CCDC134: variants seen among roughly 807,000 people sequenced by gnomAD.
CCDC134 encodes coiled-coil domain-containing protein 134.
A neutral mutation model predicts 25.6 loss-of-function variants in CCDC134; 27 were observed. That is an observed-to-expected ratio of 1.05 (90% CI 0.78 to 1.45). CCDC134 has a LOEUF of 1.45. CCDC134 is among the 40% of genes most tolerant of loss of function. CCDC134 has a pLI of 0.00. For missense variants in CCDC134, 261 were observed against 286.7 expected (o/e 0.91, Z 0.65); for synonymous variants, 110 against 115.0 (o/e 0.96, Z 0.28).
At chr22:41,820,000 A>AAT (rs2076642772) in intron 6 of CCDC134, among the ~76,000 whole-genome samples, 15 of 67,662 alleles carry the variant, frequency 2.2e-4, no homozygotes, top group Admixed American at 1.2e-3. Context: ...TATATATATA[A>AAT]TTTTTTTTTT....
intron 6 of CCDC134, among the ~76,000 whole-genome samples, chr22:41,822,602 G>A (rs1050049549): frequency 6.6e-6 from 1 of 152,182 alleles, no homozygotes; most frequent in African/African-American, 2.4e-5. Flanking sequence ...GGATGGGTGT[G>A]TTTCTCTTCT....
At chr22:41,816,251 G>T (rs13056385) in intron 6 of CCDC134, among the ~76,000 whole-genome samples, 35 of 152,170 alleles carry the variant, frequency 2.3e-4, no homozygotes, top group Non-Finnish European at 4.4e-4. Context: ...TGAGCCTGAG[G>T]GCAGTGTCAC....
intron 1 of CCDC134, among the ~76,000 whole-genome samples, chr22:41,801,309 G>C (rs984492214): frequency 3.3e-5 from 5 of 151,996 alleles, no homozygotes; most frequent in African/African-American, 1.2e-4. Context: ...CGTCTGCTTG[G>C]GGGTAGGGGG....
chr22:41,808,037 G>A (rs768127739), intron 1 of CCDC134, among the ~76,000 whole-genome samples: 11 of 151,958 alleles, frequency 7.2e-5, no homozygotes, highest in Non-Finnish European at 1.3e-4. Flanking sequence ...GCGCATGCGT[G>A]TAATCCCAGC....
Position 41,810,270 on chromosome 22 carries a change from C to CA in CCDC134, c.290dup (p.Asp98GlyfsTer34), listed in dbSNP as rs1260977862. 6.2e-7 allele frequency: 1 copy of CA among 1,613,858 alleles called. No individual in the cohort carries two copies. Among genetic ancestry groups the CA allele is most frequent in the Non-Finnish European group, 8.5e-7 (1 of 1,179,966 alleles). ...TGTGCTCCCAGATGGGCCCTTCCCC[C>CA]AGGACGAGAAGCTGAAGGATGGTAT... On this transcript the variant is annotated frameshift_variant, in exon 4 of 7. Coordinates refer to ENST00000255784, the MANE Select transcript of CCDC134 (RefSeq NM_024821.5). LOFTEE classifies it high-confidence loss of function.
In CCDC134 at chr22:41,831,348, G is replaced by C. The variant is rs918531482; in HGVS notation, c.*5525G>C. On this transcript the variant is annotated 3_prime_UTR_variant, in exon 7 of 7. Transcript: ENST00000255784. Reference sequence around the variant, plus strand: ...ATTACAGGCATGCGCCACCACACCCGGCTAATTTTTGTATTTTTAGTAGAG... The same window carrying C: ...ATTACAGGCATGCGCCACCACACCCCGCTAATTTTTGTATTTTTAGTAGAG... 1.3e-5 allele frequency: 2 copies of C among 151,744 alleles called. No homozygotes were observed. The highest frequency in any genetic ancestry group is 4.8e-5 in the African/African-American group (2 of 41,250). 9.4% of individuals were successfully genotyped at this position (151,744 alleles called of 1,614,324 possible). A position where few individuals can be genotyped will look rare whatever the true frequency, so the allele number is the denominator to read the frequency against.
intron 6 of CCDC134, among the ~76,000 whole-genome samples, chr22:41,823,950 C>A (rs1007268074): frequency 6.6e-6 from 1 of 152,212 alleles, no homozygotes; most frequent in Non-Finnish European, 1.5e-5. Context: ...AACTAAACCA[C>A]TTTATTCGAG....
At chr22:41,804,834 C>T (rs947137078) in intron 1 of CCDC134, among the ~76,000 whole-genome samples, 4 of 152,182 alleles carry the variant, frequency 2.6e-5, no homozygotes, top group African/African-American at 9.6e-5. Flanking sequence ...CATTGGGAGC[C>T]CAAAGTGGGC....
intron 1 of CCDC134, 42 bp from the exon 2 acceptor site, chr22:41,808,833 G>A (rs965420198): frequency 4.1e-6 from 6 of 1,460,798 alleles, no homozygotes; most frequent in Admixed American, 1.7e-5. Flanking sequence ...ATGTAACACC[G>A]ATCTCTGAGT....
At chr22:41,817,601 G>T (rs2076628852) in intron 6 of CCDC134, among the ~76,000 whole-genome samples, 1 of 151,968 alleles carries the variant, frequency 6.6e-6, no homozygotes, top group African/African-American at 2.4e-5. Context: ...GCGAGGTGAC[G>T]CATGCCTGTA....
At chr22:41,820,817 T>C (rs1178582704) in intron 6 of CCDC134, among the ~76,000 whole-genome samples, 1 of 152,172 alleles carries the variant, frequency 6.6e-6, no homozygotes, top group African/African-American at 2.4e-5. Context: ...AGGAGGTAGC[T>C]GGATATTTGA....
chr22:41,806,242 G>C (rs910661282), intron 1 of CCDC134, among the ~76,000 whole-genome samples: 13 of 114,480 alleles, frequency 1.1e-4, no homozygotes, highest in Admixed American at 7.9e-4. Flanking sequence ...TTTTTGATTC[G>C]CAGTCTCGCT....
At chr22:41,803,537 A>G (rs144799347) in intron 1 of CCDC134, among the ~76,000 whole-genome samples, 1,941 of 152,276 alleles carry the variant, frequency 0.013, 18 homozygotes, top group Non-Finnish European at 0.022. Flanking sequence ...GGAGGCCAAG[A>G]TGGCCAGATT....
intron 6 of CCDC134, among the ~76,000 whole-genome samples, chr22:41,824,476 A>G (rs930683668): frequency 1.3e-5 from 2 of 152,140 alleles, no homozygotes; most frequent in Non-Finnish European, 2.9e-5. Context: ...TTTTGAAAAG[A>G]TCCATCCGGC....
chr22:41,813,642 C>T (rs1352498626), intron 5 of CCDC134, 109 bp from the exon 6 acceptor site: 2 of 1,276,534 alleles, frequency 1.6e-6, no homozygotes, highest in Non-Finnish European at 2.3e-6. Flanking sequence ...CATCATGTGG[C>T]CCACATCTGC....
chr22:41,814,721 G>A (rs893618964), intron 6 of CCDC134, among the ~76,000 whole-genome samples: 1 of 152,146 alleles, frequency 6.6e-6, no homozygotes. Flanking sequence ...CAAGGGTCTA[G>A]GATTTAATTC....
intron 1 of CCDC134, among the ~76,000 whole-genome samples, chr22:41,804,858 C>G (rs2076560572): frequency 6.6e-6 from 1 of 152,156 alleles, no homozygotes; most frequent in African/African-American, 2.4e-5. Context: ...TCGCTTAAGG[C>G]CAGGAGTTCG....
intron 2 of CCDC134, 139 bp downstream of exon 2, chr22:41,809,132 A>G: frequency 1.5e-6 from 1 of 660,868 alleles, no homozygotes; most frequent in Non-Finnish European, 2.6e-6. Flanking sequence ...CCAGACCTTG[A>G]GCAAGTCAGG....
intron 6 of CCDC134, among the ~76,000 whole-genome samples, chr22:41,816,746 C>T (rs184164755): frequency 1.7e-4 from 26 of 152,108 alleles, no homozygotes; most frequent in Admixed American, 3.3e-4. Flanking sequence ...GGTGAAACCC[C>T]GTCTCTACTA....
Sources: allele counts gnomAD v4.1 joint callset (sites outside exome capture counted in the v4.1 genomes callset), GRCh38; gene constraint gnomAD v4.1.1; transcripts MANE v1.5; gene names NCBI Gene and HGNC (gene_info 2026-07-23, HGNC 2026-07-21).